Variants in GUCA1C observed in about 807,000 individuals in gnomAD.
The protein encoded by GUCA1C is guanylate cyclase activator 1C.
GUCA1C carries 15 observed loss-of-function variants against 16.2 expected under a neutral mutation model. The ratio of observed to expected loss-of-function variants is 0.93; its 90% confidence interval spans 0.62 to 1.43. The LOEUF (loss-of-function observed/expected upper bound fraction) is 1.43. Ranked by LOEUF, GUCA1C falls within the 40% of genes most tolerant of loss-of-function variation. The pLI is 0.00. For synonymous variants in GUCA1C, 78 were observed against 85.4 expected (o/e 0.91, Z 0.48); for missense variants, 275 against 244.8 (o/e 1.12, Z -0.82).
At chr3:108,920,181 T>A (rs1212730601) in intron 2 of GUCA1C, among the ~76,000 whole-genome samples, 1 of 152,208 alleles carries the variant, frequency 6.6e-6, no homozygotes, top group East Asian at 1.9e-4. Flanking sequence ...CAATATCATA[T>A]TTGTTTCATT....
chr3:108,924,891 C>T (rs902214942), intron 1 of GUCA1C, among the ~76,000 whole-genome samples: 1 of 151,950 alleles, frequency 6.6e-6, no homozygotes, highest in African/African-American at 2.4e-5. Flanking sequence ...TATCCATTTC[C>T]TCTAGGTTTT....
intron 1 of GUCA1C, among the ~76,000 whole-genome samples, chr3:108,939,966 G>T (rs897967839): frequency 1.3e-5 from 2 of 152,192 alleles, no homozygotes; most frequent in African/African-American, 4.8e-5. Context: ...AATAGATTCT[G>T]TTAAAATACA....
intron 1 of GUCA1C, among the ~76,000 whole-genome samples, chr3:108,948,395 A>G (rs1244935624): frequency 6.6e-6 from 1 of 152,174 alleles, no homozygotes; most frequent in East Asian, 1.9e-4. Flanking sequence ...CTCCCCAGCC[A>G]TGTCTCCTGT....
chr3:108,919,699 G>A (rs748045983), intron 2 of GUCA1C, among the ~76,000 whole-genome samples: 22 of 152,076 alleles, frequency 1.4e-4, no homozygotes, highest in Non-Finnish European at 2.2e-4. Flanking sequence ...TTTCTACTAC[G>A]TATTTTATTT....
intron 1 of GUCA1C, among the ~76,000 whole-genome samples, chr3:108,948,135 T>C (rs563922640): frequency 5.9e-5 from 9 of 152,292 alleles, no homozygotes; most frequent in Non-Finnish European, 1.2e-4. Flanking sequence ...ACATGTCCTC[T>C]GATATGGTTT....
At chr3:108,915,550 G>A (rs1156350122) in intron 3 of GUCA1C, among the ~76,000 whole-genome samples, 2 of 152,096 alleles carry the variant, frequency 1.3e-5, no homozygotes, top group Non-Finnish European at 2.9e-5. Context: ...AGCTAAACAG[G>A]AACCCAGATT....
chr3:108,917,147 T>A (rs1946526493), intron 2 of GUCA1C, among the ~76,000 whole-genome samples: 1 of 152,216 alleles, frequency 6.6e-6, no homozygotes, highest in Admixed American at 6.5e-5. Context: ...GTATTTAAAG[T>A]AATAGTTACA....
intron 1 of GUCA1C, among the ~76,000 whole-genome samples, chr3:108,945,460 G>A (rs373396472): frequency 1.3e-5 from 2 of 152,290 alleles, no homozygotes; most frequent in African/African-American, 4.8e-5. Context: ...ATTTTGACAC[G>A]TTTGCGCCAG....
chr3:108,947,236 T>A (rs561493101), intron 1 of GUCA1C, among the ~76,000 whole-genome samples: 2 of 152,312 alleles, frequency 1.3e-5, no homozygotes, highest in South Asian at 2.1e-4. Context: ...AATAAAATGT[T>A]ATGAAGAAAA....
At chr3:108,951,795 C>T (rs3804731) in intron 1 of GUCA1C, among the ~76,000 whole-genome samples, 11,696 of 152,200 alleles carry the variant, frequency 0.077, 819 homozygotes, top group East Asian at 0.35. Flanking sequence ...TGGGATGGGT[C>T]GGGCCATTCC....
intron 1 of GUCA1C, among the ~76,000 whole-genome samples, chr3:108,937,247 C>T (rs879911887): frequency 1.1e-4 from 16 of 152,272 alleles, no homozygotes; most frequent in South Asian, 2.1e-4. Context: ...CAGGGGGCCT[C>T]GTAGCTGCAT....
intron 1 of GUCA1C, among the ~76,000 whole-genome samples, chr3:108,938,937 A>G (rs1435566998): frequency 6.6e-6 from 1 of 152,228 alleles, no homozygotes. Flanking sequence ...TAGCAGGTCC[A>G]CTGTGAATCA....
intron 1 of GUCA1C, among the ~76,000 whole-genome samples, chr3:108,951,654 AT>A (rs1219455395): frequency 6.6e-6 from 1 of 152,120 alleles, no homozygotes; most frequent in Non-Finnish European, 1.5e-5. Context: ...TTACCACCTG[AT>A]TTTATATTGA....
chr3:108,954,034 T>C (rs576113759), upstream of GUCA1C: 13 of 451,732 alleles, frequency 2.9e-5, no homozygotes, highest in South Asian at 1.4e-4. Context: ...ACGCAATATT[T>C]TAGAGAGGGT....
chr3:108,940,419 G>C (rs753349855), intron 1 of GUCA1C, among the ~76,000 whole-genome samples: 47 of 152,216 alleles, frequency 3.1e-4, no homozygotes, highest in Non-Finnish European at 8.8e-5. Context: ...AAAGAAGCTA[G>C]AGAGCAGATA....
intron 1 of GUCA1C, among the ~76,000 whole-genome samples, chr3:108,936,189 G>A (rs6809454): frequency 0.033 from 5,067 of 152,206 alleles, 114 homozygotes; most frequent in Middle Eastern, 0.12. Flanking sequence ...CTGAGCCCGG[G>A]AGTTGGAGGT....
chr3:108,915,745 T>A (rs929753994), intron 3 of GUCA1C, among the ~76,000 whole-genome samples: 5 of 152,102 alleles, frequency 3.3e-5, no homozygotes, highest in Admixed American at 1.3e-4. Context: ...TAGGGAAAAC[T>A]TGAGTTTATT....
At chr3:108,912,085 CAGAG>C (rs763103305) in intron 3 of GUCA1C, among the ~76,000 whole-genome samples, 74 of 58,416 alleles carry the variant, frequency 1.3e-3, no homozygotes, top group Admixed American at 2.8e-3. Context: ...AGCCTGGTGA[CAGAG>C]AGAGACTCCG....
chr3:108,937,379 C>T (rs952679764), intron 1 of GUCA1C, among the ~76,000 whole-genome samples: 11 of 152,150 alleles, frequency 7.2e-5, no homozygotes, highest in Non-Finnish European at 1.2e-4. Context: ...TGTTTGCTTG[C>T]GTAACTCCAG....
Sources: gnomAD v4.1 joint callset for allele counts (sites outside exome capture counted in the v4.1 genomes callset) on GRCh38, gnomAD v4.1.1 for gene constraint, MANE v1.5 for transcripts, NCBI Gene and HGNC (gene_info 2026-07-23, HGNC 2026-07-21) for gene names.